The following PARD3 variants were observed in gnomAD, a reference collection of about 807,000 sequenced individuals.
PARD3 encodes partitioning defective 3 homolog.
In PARD3, 75 loss-of-function variants were observed where a neutral mutation model predicts 155.4. The ratio of observed to expected loss-of-function variants is 0.48; its 90% confidence interval spans 0.40 to 0.58. The LOEUF (loss-of-function observed/expected upper bound fraction) is 0.58, where lower values mean the gene tolerates loss of function less well. Ranked by LOEUF, PARD3 falls within the 20% of genes least tolerant of loss-of-function variation. The pLI is 0.00. For synonymous variants in PARD3, 576 were observed against 610.5 expected, an observed-to-expected ratio of 0.94 and a Z score of 0.83; for missense variants, 1,642 against 1,721.7, an observed-to-expected ratio of 0.95 and a Z score of 0.82.
chr10:34,346,127 G>C, intron 15 of PARD3: 1 of 1,014,618 alleles, frequency 9.9e-7, no homozygotes, highest in Non-Finnish European at 1.2e-6. Context: ...TACTGCCCTG[G>C]GGAAGCATCT....
chr10:34,485,573 C>A (rs913084527), intron 3 of PARD3, among the ~76,000 whole-genome samples: 1 of 152,122 alleles, frequency 6.6e-6, no homozygotes, highest in African/African-American at 2.4e-5. Context: ...AGCTTTTTGA[C>A]TGTCAATTGG....
intron 22 of PARD3, among the ~76,000 whole-genome samples, chr10:34,145,221 A>ATATTTTTTTT (rs1491430560): frequency 8.8e-5 from 3 of 33,972 alleles, no homozygotes; most frequent in African/African-American, 2.7e-4. Flanking sequence ...ATATATATAT[A>ATATTTTTTTT]TTTTTTTTTT....
At chr10:34,775,041 A>C (rs753455069) in intron 1 of PARD3, among the ~76,000 whole-genome samples, 1 of 152,222 alleles carries the variant, frequency 6.6e-6, no homozygotes, top group Non-Finnish European at 1.5e-5. Context: ...AAACAAATAA[A>C]GGAAACAAAA....
intron 2 of PARD3, among the ~76,000 whole-genome samples, chr10:34,573,734 A>AAC (rs2086647922): frequency 9.3e-5 from 1 of 10,778 alleles, no homozygotes; most frequent in African/African-American, 3.7e-4. Flanking sequence ...CAAACAAACA[A>AAC]AAACACACAC....
intron 22 of PARD3, among the ~76,000 whole-genome samples, chr10:34,245,084 G>A (rs749751096): frequency 6.6e-6 from 1 of 152,130 alleles, no homozygotes; most frequent in African/African-American, 2.4e-5. Flanking sequence ...GCAAAAAGTG[G>A]AGCGGATACA....
At chr10:34,669,651 C>T (rs1174044710) in intron 2 of PARD3, among the ~76,000 whole-genome samples, 1 of 151,584 alleles carries the variant, frequency 6.6e-6, no homozygotes, top group Non-Finnish European at 1.5e-5. Flanking sequence ...AATTATGCAC[C>T]GTAAGAGAGA....
intron 1 of PARD3, among the ~76,000 whole-genome samples, chr10:34,699,850 G>C (rs140699686): frequency 6.2e-4 from 94 of 152,236 alleles, no homozygotes; most frequent in African/African-American, 2.3e-3. Flanking sequence ...ACTCCAGCCT[G>C]GGCAACAGAG....
intron 1 of PARD3, among the ~76,000 whole-genome samples, chr10:34,726,501 C>T (rs1293827200): frequency 6.7e-6 from 1 of 148,808 alleles, no homozygotes; most frequent in East Asian, 1.9e-4. Context: ...CAGAATCGCT[C>T]GAGCCCAGGA....
intron 1 of PARD3, among the ~76,000 whole-genome samples, chr10:34,762,236 AAG>A (rs1025701511): frequency 6.6e-6 from 1 of 151,214 alleles, no homozygotes; most frequent in Non-Finnish European, 1.5e-5. Flanking sequence ...GTGTGTGAGA[AAG>A]AGAGAGGCAG....
At chr10:34,397,882 C>T (rs1843489719) in intron 7 of PARD3, among the ~76,000 whole-genome samples, 2 of 151,808 alleles carry the variant, frequency 1.3e-5, no homozygotes, top group African/African-American at 4.8e-5. Context: ...TCTTTTTTTT[C>T]CTACTCCGGA....
chr10:34,217,129 G>A (rs1952038554), intron 22 of PARD3, among the ~76,000 whole-genome samples: 1 of 151,990 alleles, frequency 6.6e-6, no homozygotes, highest in Non-Finnish European at 1.5e-5. Context: ...AAGACACAGT[G>A]TGAAATCCAG....
At chr10:34,289,817 G>A (rs182193806) in intron 20 of PARD3, among the ~76,000 whole-genome samples, 48 of 152,300 alleles carry the variant, frequency 3.2e-4, no homozygotes, top group East Asian at 3.1e-3. Context: ...CGTTACAAAT[G>A]AGATCACTGC....
chr10:34,433,461 A>G (rs1431377638), intron 5 of PARD3, among the ~76,000 whole-genome samples: 2 of 152,230 alleles, frequency 1.3e-5, no homozygotes, highest in African/African-American at 2.4e-5. Flanking sequence ...CTAAGAGTTC[A>G]GGACATTAAT....
rs1203878300 is a variant in PARD3, at chr10:34,684,695, A to C, written c.222+11623T>G. Among the ~76,000 whole-genome samples the C allele has an allele frequency of 4.6e-5, 7 of 151,738 alleles. No homozygotes were observed. In the East Asian group the frequency reaches 1.4e-3, roughly 29 times the overall value. ...CATTCTTCACACAGCCACCAGGGGG[A>C]TATTTCTCAAATGTAAACCTGATCA... On this transcript the variant is annotated intron_variant, in intron 2 of 24. Coordinates refer to ENST00000374788, the MANE Select transcript of PARD3 (RefSeq NM_001184785.2).
chr10:34,328,807 C>T (rs867222561), intron 19 of PARD3, among the ~76,000 whole-genome samples: 4 of 152,168 alleles, frequency 2.6e-5, no homozygotes, highest in South Asian at 2.1e-4. Context: ...CCTATAAACA[C>T]GATTTCAACA....
chr10:34,540,272 T>C (rs1200216867), intron 2 of PARD3, among the ~76,000 whole-genome samples: 1 of 151,492 alleles, frequency 6.6e-6, no homozygotes, highest in Non-Finnish European at 1.5e-5. Context: ...AGAGTAAATA[T>C]CTATTCAGGG....
intron 2 of PARD3, among the ~76,000 whole-genome samples, chr10:34,565,174 G>A (rs2085819994): frequency 6.9e-6 from 1 of 145,040 alleles, no homozygotes; most frequent in Non-Finnish European, 1.5e-5. Flanking sequence ...ACTTCATCAT[G>A]AAAGCTAGTT....
chr10:34,332,148 G>GTGTCCCTCAT (rs1239497623), intron 18 of PARD3, among the ~76,000 whole-genome samples: 1 of 152,018 alleles, frequency 6.6e-6, no homozygotes, highest in Non-Finnish European at 1.5e-5. Flanking sequence ...AGGATGACAG[G>GTGTCCCTCAT]GACAAATTCC....
At chr10:34,453,449 G>A (rs2077167591) in intron 4 of PARD3, among the ~76,000 whole-genome samples, 1 of 152,090 alleles carries the variant, frequency 6.6e-6, no homozygotes, top group Admixed American at 6.5e-5. Flanking sequence ...CAAGCACTCA[G>A]CACAGTGGCT....
Sources: allele counts gnomAD v4.1 joint callset (sites outside exome capture counted in the v4.1 genomes callset), GRCh38; gene constraint gnomAD v4.1.1; transcripts MANE v1.5; gene names NCBI Gene and HGNC (gene_info 2026-07-23, HGNC 2026-07-21).